The following AGAP2 variants were observed in gnomAD, a reference collection of about 807,000 sequenced individuals.
AGAP2 encodes ArfGAP with GTPase domain, ankyrin repeat and PH domain 2.
In AGAP2, 32 loss-of-function variants were observed where a neutral mutation model predicts 110.9. That is an observed-to-expected ratio of 0.29 (90% CI 0.22 to 0.39). The LOEUF (loss-of-function observed/expected upper bound fraction) is 0.39. Among genes scored for constraint, AGAP2 ranks in the 10% least tolerant of loss-of-function variants. The pLI is 1.00. For missense variants in AGAP2, 1,285 were observed against 1,638.5 expected (o/e 0.78, Z 3.72); for synonymous variants, 702 against 713.0 (o/e 0.98, Z 0.25).
rs111645956 is a variant in AGAP2 at position 57,726,770 on chromosome 12, C to A, written c.3361G>T (p.Asp1121Tyr). The A allele has an allele frequency of 7.4e-7, 1 of 1,359,700 alleles. No homozygotes were observed. The highest frequency in any genetic ancestry group is 1.7e-5 in the South Asian group (1 of 57,706). 84.2% of individuals were successfully genotyped at this position (1,359,700 alleles called of 1,614,324 possible). Residue 1121 changes from aspartate to tyrosine, a missense_variant, in exon 19 of 19, where the codon GAC becomes TAC. Coordinates refer to ENST00000547588, the MANE Select transcript of AGAP2 (RefSeq NM_001122772.3). The surrounding 1 kb of genome is among the most constrained non-coding windows in gnomAD (Gnocchi z 5.7). Reference protein sequence around the residue: ...LWYGADVAARDAQGRTALFYA... With the variant: ...LWYGADVAARYAQGRTALFYA... ...AACAGCGCCGTGCGGCCCTGGGCGT[C>A]ACGGGCCGCCACGTCCGCGCCGTAC...
rs917155488 is a variant in AGAP2 at position 57,737,910 on chromosome 12, A to T, written c.337T>A (p.Ser113Thr). ...PVSPAPGRRLSLWAVPPGPPL... is the reference protein window; with the variant it reads ...PVSPAPGRRLTLWAVPPGPPL... ...GGTCCCGGAGGGACGGCCCAGAGGG[A>T]GAGGCGGCGGCCGGGAGCGGGGGAG... Residue 113 changes from serine to threonine, a missense_variant, in exon 1 of 19, where the codon TCC becomes ACC. Transcript: ENST00000547588. The surrounding 1 kb of genome is among the most constrained non-coding windows in gnomAD (Gnocchi z 5.9). 2 of 1,391,986 alleles carry T rather than the reference A, an allele frequency of 1.4e-6. No homozygotes were observed. The highest frequency in any genetic ancestry group is 3.1e-5 in the African/African-American group (2 of 64,830). The allele number at this position is 1,391,986 out of a possible 1,614,324, so 86.2% of individuals were successfully genotyped here. A position where few individuals can be genotyped will look rare whatever the true frequency, so the allele number is the denominator to read the frequency against.
chr12:57,729,107 C>T (rs1668086361), intron 13 of AGAP2, among the ~76,000 whole-genome samples: 1 of 140,464 alleles, frequency 7.1e-6, no homozygotes, highest in Non-Finnish European at 1.5e-5. Flanking sequence ...ACCCGGGAGG[C>T]AGAGCTTGCA....
rs374434591 is a variant in AGAP2, at chr12:57,734,231, A to T, written c.1402-58T>A. On this transcript the variant is annotated intron_variant, in intron 4 of 18. Coordinates refer to ENST00000547588, the MANE Select transcript of AGAP2 (RefSeq NM_001122772.3). ...AGACAGGTCTACTCCTCTGGACCCA[A>T]TCCAGATGAAGACCTGGGAAACCAG... 6.2e-6 allele frequency: 10 copies of T among 1,610,540 alleles called. No individual in the cohort carries two copies. In the East Asian group the frequency reaches 2.0e-4, roughly 32 times the overall value.
chr12:57,737,362 G>A lies in AGAP2; in HGVS notation c.885C>T (p.Leu295=). ...PPAGSPPPLT[L]PPTPSPATAV... is the part of the protein sequence containing the mutation. ...CAGTGGCTGGACTCGGAGTTGGTGG[G>A]AGGGTTAGCGGAGGAGGAGAGCCGG... The change falls in exon 1 of 19, where the codon CTC becomes CTT. Residue 295 remains leucine, a synonymous_variant. Coordinates refer to ENST00000547588, the MANE Select transcript of AGAP2 (RefSeq NM_001122772.3). This position sits in a 1 kb window ranked among gnomAD's most constrained non-coding sequence, Gnocchi z 5.9. The A allele has an allele frequency of 1.9e-6, 3 of 1,613,896 alleles. No homozygotes were observed. Among genetic ancestry groups the A allele is most frequent in the Non-Finnish European group, 2.5e-6 (3 of 1,179,836 alleles).
rs753869777 is a variant in AGAP2 at position 57,728,366 on chromosome 12, T to A, written c.2569A>T (p.Met857Leu). 2 of 1,613,846 alleles carry A rather than the reference T, an allele frequency of 1.2e-6. No individual in the cohort carries two copies. Among genetic ancestry groups the A allele is most frequent in the African/African-American group, 2.7e-5 (2 of 74,938 alleles). ...CTACCAAAGGATTTTAGTTTCCACA[T>A]TTTGCGCTTGGCTGGTTTCCCGAAG... ...SAGQAEAKRK[M>L]WKLKSFGSLR... Residue 857 changes from methionine to leucine, a missense_variant, in exon 14 of 19, where the codon ATG becomes TTG. This residue lies in a region of AGAP2 where 135 missense variants were observed against 182.0 expected (regional missense o/e 0.74). Coordinates refer to ENST00000547588, the MANE Select transcript of AGAP2 (RefSeq NM_001122772.3).
intron 2 of AGAP2, 74 bp downstream of exon 2, chr12:57,735,295 T>A: frequency 7.4e-7 from 1 of 1,346,384 alleles, no homozygotes. Flanking sequence ...GAAGGAGAGG[T>A]GAAGGGAGAG....
At position 57,730,967 on chromosome 12, in the gene AGAP2, G is replaced by C; in HGVS notation, c.2146-14C>G. 6.6e-7 allele frequency: 1 copy of C among 1,510,452 alleles called. No homozygotes were observed. Among genetic ancestry groups the C allele is most frequent in the Non-Finnish European group, 8.8e-7 (1 of 1,132,556 alleles). The allele number at this position is 1,510,452 out of a possible 1,614,324, so 93.6% of individuals were successfully genotyped here. On this transcript the variant is annotated splice_polypyrimidine_tract_variant and intron_variant, in intron 10 of 18. Coordinates refer to ENST00000547588, the MANE Select transcript of AGAP2 (RefSeq NM_001122772.3). ...GTGGATGTAATCCTGGAGGGGTACA[G>C]GGCCGAGAGTGTAGGGAAGGTTGGG...
chr12:57,738,398 G>A lies in AGAP2; in HGVS notation c.-152C>T. On this transcript the variant is annotated 5_prime_UTR_variant, in exon 1 of 19. Transcript: ENST00000547588. The surrounding 1 kb of genome is among the most constrained non-coding windows in gnomAD (Gnocchi z 6.7). ...CTCCGCTGTCGCCGCCGCCTCCGCC[G>A]CCTCCGCTTGCGCCCCCCTCCCATC... 2.5e-6 allele frequency: 2 copies of A among 789,942 alleles called. No individual in the cohort carries two copies. The highest frequency in any genetic ancestry group is 3.1e-6 in the Non-Finnish European group (2 of 651,778). The allele number at this position is 789,942 out of a possible 1,614,324, so 48.9% of individuals were successfully genotyped here.
rs760090984 is a variant in AGAP2, at chr12:57,734,033, C to A, written c.1542G>T (p.Gly514=). The change falls in exon 5 of 19, where the codon GGG becomes GGT. Residue 514 remains glycine, a synonymous_variant. Transcript: ENST00000547588. ...TTCCTAACCCCTCCTTACCTTGTGTCCCCACCAGTGCCAAGGCCAGGCCTC... is the reference window on the plus strand; with the variant it reads ...TTCCTAACCCCTCCTTACCTTGTGTACCCACCAGTGCCAAGGCCAGGCCTC... ...GRGGLALALV[G]TQDRISASSP... 5 of 1,591,716 alleles carry A rather than the reference C, an allele frequency of 3.1e-6. No individual in the cohort carries two copies. The highest frequency in any genetic ancestry group is 4.3e-6 in the Non-Finnish European group (5 of 1,169,610).
Position 57,726,317 on chromosome 12 carries a change from T to C in AGAP2, c.*235A>G. ...GGGTAGACCCAGAGCAATCCGAGTG[T>C]GGAAACAATGGAGAGGGGGCGTGTT... On this transcript the variant is annotated 3_prime_UTR_variant, in exon 19 of 19. Transcript: ENST00000547588. The surrounding 1 kb of genome is among the most constrained non-coding windows in gnomAD (Gnocchi z 5.7). 3.5e-6 allele frequency: 1 copy of C among 289,056 alleles called. No individual in the cohort carries two copies. Among genetic ancestry groups the C allele is most frequent in the South Asian group, 1.6e-4 (1 of 6,318 alleles). The allele number at this position is 289,056 out of a possible 1,614,324, so 17.9% of individuals were successfully genotyped here. A position where few individuals can be genotyped will look rare whatever the true frequency, so the allele number is the denominator to read the frequency against.
chr12:57,726,528 G>A lies in AGAP2; in HGVS notation c.*24C>T, dbSNP rs983807148. On this transcript the variant is annotated 3_prime_UTR_variant, in exon 19 of 19. Transcript: ENST00000547588. This position sits in a 1 kb window ranked among gnomAD's most constrained non-coding sequence, Gnocchi z 5.7. Reference sequence around the variant, plus strand: ...GGTCGTGCCCGGCCCGCGTGGGGATGGGGGTGTCTCTCCCGCTGGGCAACT... The same window carrying A: ...GGTCGTGCCCGGCCCGCGTGGGGATAGGGGTGTCTCTCCCGCTGGGCAACT... The A allele has an allele frequency of 1.6e-6, 2 of 1,212,638 alleles. No homozygotes were observed. The highest frequency in any genetic ancestry group is 3.9e-5 in the Admixed American group (1 of 25,462). The allele number at this position is 1,212,638 out of a possible 1,614,324, so 75.1% of individuals were successfully genotyped here. A position where few individuals can be genotyped will look rare whatever the true frequency, so the allele number is the denominator to read the frequency against.
At chr12:57,740,672 G>A (rs1301526477), upstream of AGAP2, among the ~76,000 whole-genome samples, 2 of 152,096 alleles carry the variant, frequency 1.3e-5, no homozygotes, top group Admixed American at 1.3e-4. Flanking sequence ...TTTCTCCCTA[G>A]GAGGCCCCAT....
At chr12:57,741,285 C>T (rs762390502), upstream of AGAP2, among the ~76,000 whole-genome samples, 2 of 152,032 alleles carry the variant, frequency 1.3e-5, no homozygotes, top group Admixed American at 6.5e-5. Flanking sequence ...GGAGGTAGAG[C>T]GGAAGGTGTG....
chr12:57,733,984 A>G, intron 5 of AGAP2, 42 bp downstream of exon 5: 2 of 1,524,808 alleles, frequency 1.3e-6, no homozygotes, highest in Non-Finnish European at 1.8e-6. Flanking sequence ...TAGCCTCCTT[A>G]GGGCCTCCCT....
At chr12:57,736,293 G>A (rs1412128703) in intron 1 of AGAP2, among the ~76,000 whole-genome samples, 1 of 152,154 alleles carries the variant, frequency 6.6e-6, no homozygotes, top group Non-Finnish European at 1.5e-5. Context: ...ATCTCCTCCA[G>A]TAGGAAAATA....
chr12:57,739,867 A>C (rs1243544598), upstream of AGAP2: 3 of 152,222 alleles, frequency 2.0e-5, no homozygotes, highest in Non-Finnish European at 2.9e-5. Flanking sequence ...GGATTCTTTC[A>C]GAAGATTAAA....
upstream of AGAP2, chr12:57,742,014 C>T: frequency 6.2e-7 from 1 of 1,614,172 alleles, no homozygotes; most frequent in Non-Finnish European, 8.5e-7. Context: ...TTGGCCACCT[C>T]ATGTCGTCTG....
chr12:57,737,237 G>C lies in AGAP2; in HGVS notation c.1010C>G (p.Ala337Gly), dbSNP rs779890332. Residue 337 changes from alanine (A) to glycine (G), a missense_variant, in exon 1 of 19, where the codon GCA becomes GGA. This residue lies in a region of AGAP2 where 844 missense variants were observed against 941.2 expected (regional missense o/e 0.90). Coordinates refer to ENST00000547588, the MANE Select transcript of AGAP2 (RefSeq NM_001122772.3). The surrounding 1 kb of genome is among the most constrained non-coding windows in gnomAD (Gnocchi z 5.9). ...GAGCATCTTGCGGTCACGAGTGGAT[G>C]CTCGGCCCCCCTCCCGGCCCCGTTT... ...GLKRGREGGR[A>G]STRDRKMLKF... is the part of the protein sequence containing the mutation. 5 of 1,611,658 alleles carry C rather than the reference G, an allele frequency of 3.1e-6. No individual in the cohort carries two copies. Among genetic ancestry groups the C allele is most frequent in the Non-Finnish European group, 4.2e-6 (5 of 1,179,162 alleles).
intron 4 of AGAP2, 35 bp downstream of exon 4, chr12:57,734,284 C>T (rs751331142): frequency 1.2e-6 from 2 of 1,613,720 alleles, no homozygotes; most frequent in South Asian, 2.2e-5. Flanking sequence ...AGTGCTGACC[C>T]CAGCCAGCCT....
Sources: allele counts gnomAD v4.1 joint callset (sites outside exome capture counted in the v4.1 genomes callset), GRCh38; gene constraint gnomAD v4.1.1; regional missense constraint gnomAD v4.1.1; non-coding constraint Gnocchi (gnomAD v3.1); transcripts MANE v1.5; gene names NCBI Gene and HGNC (gene_info 2026-07-23, HGNC 2026-07-21).